AKR1B10: variants seen among roughly 807,000 people sequenced by gnomAD.
AKR1B10 encodes the protein aldo-keto reductase family 1 member B10, also known as ARP.
AKR1B10 carries 39 observed loss-of-function variants against 38.9 expected under a neutral mutation model. The observed-to-expected ratio is 1.00, with a 90% CI of 0.78 to 1.31. The LOEUF (loss-of-function observed/expected upper bound fraction) is 1.31. AKR1B10 is among the 50% of genes most tolerant of loss of function. The pLI is 0.00. For synonymous variants in AKR1B10, 148 were observed against 141.2 expected, an observed-to-expected ratio of 1.05 and a Z score of -0.34; for missense variants, 361 against 382.6, an observed-to-expected ratio of 0.94 and a Z score of 0.47.
chr7:134,535,342 C>T (rs973476911), intron 4 of AKR1B10, among the ~76,000 whole-genome samples: 1 of 151,976 alleles, frequency 6.6e-6, no homozygotes, highest in Non-Finnish European at 1.5e-5. Flanking sequence ...CCCTAGGTTA[C>T]TCAAACCTAG....
chr7:134,535,039 T>A (rs1807958937), intron 4 of AKR1B10, among the ~76,000 whole-genome samples: 1 of 151,890 alleles, frequency 6.6e-6, no homozygotes, highest in African/African-American at 2.4e-5. Context: ...CAGGCTGGAG[T>A]ACAATGGCAT....
At chr7:134,540,693 C>T (rs559270697) in intron 9 of AKR1B10, among the ~76,000 whole-genome samples, 4 of 152,242 alleles carry the variant, frequency 2.6e-5, no homozygotes, top group Non-Finnish European at 1.5e-5. Context: ...TCATTTAATA[C>T]TCAGAACAAT....
rs1262360285 is a variant in AKR1B10, at chr7:134,538,971, A to G, written c.862A>G (p.Thr288Ala). 1.2e-6 allele frequency: 2 copies of G among 1,614,070 alleles called. No homozygotes were observed. Among genetic ancestry groups the G allele is most frequent in the Non-Finnish European group, 8.5e-7 (1 of 1,179,976 alleles). ...DFKLSDEEMA[T>A]ILSFNRNWRA... ...TAAATTGAGTGATGAGGAGATGGCAACCATACTCAGCTTCAACAGAAACTG... is the reference window on the plus strand; with the variant it reads ...TAAATTGAGTGATGAGGAGATGGCAGCCATACTCAGCTTCAACAGAAACTG... The change falls in exon 9 of 10, where the codon ACC becomes GCC. Residue 288 changes from threonine to alanine, a missense_variant. Coordinates refer to ENST00000359579, the MANE Select transcript of AKR1B10 (RefSeq NM_020299.5).
At chr7:134,533,520 A>G (rs1807921721) in intron 4 of AKR1B10, among the ~76,000 whole-genome samples, 1 of 152,220 alleles carries the variant, frequency 6.6e-6, no homozygotes, top group Non-Finnish European at 1.5e-5. Flanking sequence ...GATGGTTTAC[A>G]TGCCAGGAAC....
intron 9 of AKR1B10, among the ~76,000 whole-genome samples, chr7:134,540,745 G>A (rs1235170088): frequency 6.6e-6 from 1 of 152,150 alleles, no homozygotes; most frequent in Non-Finnish European, 1.5e-5. Flanking sequence ...ACTTCATGAT[G>A]TTGTGAGAGT....
At position 134,530,515 on chromosome 7, in the gene AKR1B10, A is replaced by G. The variant is rs376894155; in HGVS notation, c.67-128A>G. The G allele has an allele frequency of 2.9e-5, 28 of 966,654 alleles. No homozygotes were observed. In the South Asian group the frequency reaches 3.2e-4, roughly 11 times the overall value. The allele number at this position is 966,654 out of a possible 1,614,324, so 59.9% of individuals were successfully genotyped here. On this transcript the variant is annotated intron_variant, in intron 1 of 9. Transcript: ENST00000359579. ...ATATGATGGTTGCTGAGAGTGGTGT[A>G]ATTCCAGCTACTCGGGAGGTGGGAG...
At chr7:134,535,537 C>G (rs2117547424) in intron 4 of AKR1B10, 1 of 898,462 alleles carries the variant, frequency 1.1e-6, no homozygotes, top group Admixed American at 6.2e-5. Context: ...CTGAGCTTTG[C>G]TCCTGCCTTC....
At chr7:134,536,324 T>C (rs1438991505) in intron 4 of AKR1B10, among the ~76,000 whole-genome samples, 1 of 150,564 alleles carries the variant, frequency 6.6e-6, no homozygotes, top group Non-Finnish European at 1.5e-5. Flanking sequence ...TTACTTTTTA[T>C]TTTTTTGCAT....
intron 9 of AKR1B10, 94 bp downstream of exon 9, chr7:134,539,111 T>G: frequency 6.7e-7 from 1 of 1,484,330 alleles, no homozygotes. Context: ...CTGGGACTAC[T>G]TGTGTCTTCA....
intron 9 of AKR1B10, among the ~76,000 whole-genome samples, chr7:134,539,924 T>G (rs963970404): frequency 2.0e-5 from 3 of 152,222 alleles, no homozygotes; most frequent in African/African-American, 7.2e-5. Context: ...AAAACGATTT[T>G]TCACCTTTTA....
intron 4 of AKR1B10, chr7:134,535,673 T>C: frequency 4.1e-6 from 4 of 982,274 alleles, no homozygotes; most frequent in Non-Finnish European, 4.8e-6. Flanking sequence ...TGTATGTATC[T>C]CTTCTTTCTC....
At chr7:134,532,895 G>A (rs1807898797) in intron 3 of AKR1B10, 109 bp from the exon 4 acceptor site, 2 of 837,454 alleles carry the variant, frequency 2.4e-6, no homozygotes, top group East Asian at 2.8e-5. Flanking sequence ...ACTTGAAAAA[G>A]TGGTATGCAG....
chr7:134,538,987 A>G lies in AKR1B10; in HGVS notation c.878A>G (p.Asn293Ser), dbSNP rs1808082096. 2 of 1,614,102 alleles carry G rather than the reference A, an allele frequency of 1.2e-6. No individual in the cohort carries two copies. The highest frequency in any genetic ancestry group is 1.1e-5 in the South Asian group (1 of 91,074). The change falls in exon 9 of 10, where the codon AAC (asparagine) becomes AGC (serine). Residue 293 changes from asparagine (N) to serine (S), a missense_variant. Around this residue, in one of 3 missense-constraint regions of AKR1B10, gnomAD observed 132 missense variants for 134.6 expected, o/e 0.98. Coordinates refer to ENST00000359579, the MANE Select transcript of AKR1B10 (RefSeq NM_020299.5). ...GAGATGGCAACCATACTCAGCTTCAACAGAAACTGGAGGGCCTGTAACGTG... is the reference window on the plus strand; with the variant it reads ...GAGATGGCAACCATACTCAGCTTCAGCAGAAACTGGAGGGCCTGTAACGTG... ...DEEMATILSF[N>S]RNWRACNVLQ... is the part of the protein sequence containing the mutation.
At chr7:134,530,959 T>A in intron 2 of AKR1B10, 149 bp downstream of exon 2, 1 of 1,184,956 alleles carries the variant, frequency 8.4e-7, no homozygotes, top group Non-Finnish European at 1.2e-6. Flanking sequence ...ACACTATCCA[T>A]ACTCCAAGCC....
Position 134,541,220 on chromosome 7 carries a change from A to T in AKR1B10, c.*131A>T. The T allele has an allele frequency of 1.5e-6, 1 of 654,782 alleles. No individual in the cohort carries two copies. Among genetic ancestry groups the T allele is most frequent in the Non-Finnish European group, 2.6e-6 (1 of 384,044 alleles). The allele number at this position is 654,782 out of a possible 1,614,324, so 40.6% of individuals were successfully genotyped here. On this transcript the variant is annotated 3_prime_UTR_variant, in exon 10 of 10. Coordinates refer to ENST00000359579, the MANE Select transcript of AKR1B10 (RefSeq NM_020299.5). ...GAACTTAGTCCTGTTATAGACGAGAATCGAGGTGCTGTTTTAGACATTTAT... is the reference window on the plus strand; with the variant it reads ...GAACTTAGTCCTGTTATAGACGAGATTCGAGGTGCTGTTTTAGACATTTAT...
intron 1 of AKR1B10, among the ~76,000 whole-genome samples, chr7:134,528,320 G>A (rs1187525410): frequency 1.3e-5 from 2 of 152,150 alleles, no homozygotes; most frequent in Non-Finnish European, 2.9e-5. Context: ...GGTTTGTTGT[G>A]GGCTGGGTGG....
chr7:134,537,001 T>C (rs1320418989), intron 5 of AKR1B10, 50 bp from the exon 6 acceptor site: 4 of 1,551,460 alleles, frequency 2.6e-6, no homozygotes, highest in Non-Finnish European at 3.5e-6. Context: ...CTAGGAACAA[T>C]GCAAAACAGA....
intron 2 of AKR1B10, among the ~76,000 whole-genome samples, chr7:134,531,060 C>T (rs1177207468): frequency 6.6e-6 from 1 of 152,186 alleles, no homozygotes; most frequent in African/African-American, 2.4e-5. Flanking sequence ...CCCTGCACTG[C>T]CCTGGGCCTC....
At position 134,538,929 on chromosome 7, in the gene AKR1B10, T is replaced by C. The variant is rs1411987690; in HGVS notation, c.826-6T>C. ...TGATGATGTATTGGAACTCCTACCTTTCCAGGTCTTTGACTTTAAATTGAG... is the reference window on the plus strand; with the variant it reads ...TGATGATGTATTGGAACTCCTACCTCTCCAGGTCTTTGACTTTAAATTGAG... On this transcript the variant is annotated splice_region_variant and splice_polypyrimidine_tract_variant and intron_variant, in intron 8 of 9. Transcript: ENST00000359579. 1.2e-6 allele frequency: 2 copies of C among 1,614,062 alleles called. No homozygotes were observed. The highest frequency in any genetic ancestry group is 2.2e-5 in the South Asian group (2 of 91,074).
Sources: allele counts gnomAD v4.1 joint callset (sites outside exome capture counted in the v4.1 genomes callset), GRCh38; gene constraint gnomAD v4.1.1; regional missense constraint gnomAD v4.1.1; transcripts MANE v1.5; gene names NCBI Gene and HGNC (gene_info 2026-07-23, HGNC 2026-07-21).